The following SH3GL2 variants were observed in gnomAD, a reference collection of about 807,000 sequenced individuals.
SH3GL2 encodes the protein SH3 domain containing GRB2 like 2, endophilin A1.
A neutral mutation model predicts 46.0 loss-of-function variants in SH3GL2; 24 were observed. The observed-to-expected ratio is 0.52, with a 90% CI of 0.38 to 0.73. The LOEUF (loss-of-function observed/expected upper bound fraction) is 0.73. Ranked by LOEUF, SH3GL2 falls within the 30% of genes least tolerant of loss-of-function variation. The pLI, the probability that SH3GL2 is intolerant of heterozygous loss-of-function variation, is 0.00. For synonymous variants in SH3GL2, 196 were observed against 147.1 expected (o/e 1.33, Z -2.40); for missense variants, 413 against 424.2 (o/e 0.97, Z 0.23).
At chr9:17,679,175 A>C (rs1015521174) in intron 1 of SH3GL2, among the ~76,000 whole-genome samples, 14 of 152,144 alleles carry the variant, frequency 9.2e-5, no homozygotes, top group East Asian at 3.9e-4. Flanking sequence ...GAAGAAAGTC[A>C]TTGGTAGCTT....
At chr9:17,608,759 T>C (rs920397952) in intron 1 of SH3GL2, among the ~76,000 whole-genome samples, 4 of 152,230 alleles carry the variant, frequency 2.6e-5, no homozygotes, top group African/African-American at 7.2e-5. Flanking sequence ...AAGGAAGTTA[T>C]GAACCGGATT....
At chr9:17,620,405 C>T (rs935119067) in intron 1 of SH3GL2, among the ~76,000 whole-genome samples, 4 of 152,134 alleles carry the variant, frequency 2.6e-5, no homozygotes, top group African/African-American at 4.8e-5. Context: ...TAACAGCTTA[C>T]GCATGTTACT....
chr9:17,790,174 C>T (rs187333056), intron 6 of SH3GL2, among the ~76,000 whole-genome samples: 1 of 152,122 alleles, frequency 6.6e-6, no homozygotes, highest in Non-Finnish European at 1.5e-5. Context: ...AACAAACTTG[C>T]CTTTCCTCTG....
Position 17,791,302 on chromosome 9 carries a change from C to T in SH3GL2, c.696C>T (p.Ile232=). The change falls in exon 7 of 9, where the codon ATC becomes ATT. Residue 232 remains isoleucine (I), a synonymous_variant. Coordinates refer to ENST00000380607, the MANE Select transcript of SH3GL2 (RefSeq NM_003026.5). ...AGTACCACAAGCAGGCAGTCCAGAT[C>T]CTGCAGCAAGTCACGGTCAGACTGG... The part of the protein sequence containing the change: ...QLEYHKQAVQ[I]LQQVTVRLEE... The T allele has an allele frequency of 6.2e-7, 1 of 1,613,312 alleles. No individual in the cohort carries two copies. Among genetic ancestry groups the T allele is most frequent in the Non-Finnish European group, 8.5e-7 (1 of 1,179,292 alleles).
chr9:17,788,880 A>G (rs1426429592), intron 5 of SH3GL2, among the ~76,000 whole-genome samples: 1 of 150,092 alleles, frequency 6.7e-6, no homozygotes, highest in African/African-American at 2.4e-5. Flanking sequence ...GAGCTCAGGA[A>G]TCCATATTGT....
chr9:17,647,101 T>G (rs1299895585), intron 1 of SH3GL2, among the ~76,000 whole-genome samples: 1 of 152,192 alleles, frequency 6.6e-6, no homozygotes, highest in East Asian at 1.9e-4. Context: ...AGAGGCAGTA[T>G]GGCTACAGTG....
intron 1 of SH3GL2, among the ~76,000 whole-genome samples, chr9:17,708,688 G>A (rs1397380614): frequency 6.6e-6 from 1 of 151,862 alleles, no homozygotes; most frequent in Non-Finnish European, 1.5e-5. Flanking sequence ...CTCTTGTTGT[G>A]CTTCAGGTTT....
intron 1 of SH3GL2, among the ~76,000 whole-genome samples, chr9:17,611,180 T>G (rs1011796414): frequency 1.3e-5 from 2 of 152,340 alleles, no homozygotes; most frequent in Non-Finnish European, 2.9e-5. Flanking sequence ...TTGGTTTTTT[T>G]TATTTCATAA....
At chr9:17,779,488 T>G (rs1823737992) in intron 3 of SH3GL2, among the ~76,000 whole-genome samples, 1 of 152,246 alleles carries the variant, frequency 6.6e-6, no homozygotes, top group African/African-American at 2.4e-5. Flanking sequence ...TTCCATATCC[T>G]TTCTTTATAG....
intron 4 of SH3GL2, among the ~76,000 whole-genome samples, 200 bp downstream of exon 4, chr9:17,786,724 A>C (rs1009572550): frequency 1.3e-5 from 2 of 150,264 alleles, no homozygotes; most frequent in African/African-American, 2.5e-5. Context: ...TTTTCTTCCC[A>C]CCCCCCCCAC....
At chr9:17,743,600 A>ACACACACACACACCCC (rs1554645782) in intron 1 of SH3GL2, among the ~76,000 whole-genome samples, 23 of 146,276 alleles carry the variant, frequency 1.6e-4, no homozygotes, top group African/African-American at 4.5e-4. Flanking sequence ...ACACACACAC[A>ACACACACACACACCCC]CCCCAAATAG....
At chr9:17,759,228 G>T (rs972121580) in intron 2 of SH3GL2, among the ~76,000 whole-genome samples, 1 of 152,154 alleles carries the variant, frequency 6.6e-6, no homozygotes, top group Non-Finnish European at 1.5e-5. Flanking sequence ...GATCAGCATT[G>T]CAGAGCCTCC....
chr9:17,672,070 G>A (rs566343062), intron 1 of SH3GL2, among the ~76,000 whole-genome samples: 3 of 152,220 alleles, frequency 2.0e-5, no homozygotes, highest in African/African-American at 4.8e-5. Flanking sequence ...ATTGGAAACC[G>A]ACCTCTGGAA....
At chr9:17,613,330 A>C (rs962393424) in intron 1 of SH3GL2, among the ~76,000 whole-genome samples, 6 of 152,264 alleles carry the variant, frequency 3.9e-5, no homozygotes, top group Non-Finnish European at 8.8e-5. Flanking sequence ...AAGCAGTGGT[A>C]TGCCATCCAT....
intron 1 of SH3GL2, among the ~76,000 whole-genome samples, chr9:17,677,843 T>C (rs1392208978): frequency 6.6e-6 from 1 of 151,664 alleles, no homozygotes; most frequent in Non-Finnish European, 1.5e-5. Context: ...AGTGTTCTCA[T>C]TGTTCAATTC....
At chr9:17,583,173 A>G (rs1818308697) in intron 1 of SH3GL2, among the ~76,000 whole-genome samples, 1 of 152,214 alleles carries the variant, frequency 6.6e-6, no homozygotes, top group South Asian at 2.1e-4. Flanking sequence ...ATCTAAGAGG[A>G]CAGTTCAGCC....
chr9:17,712,786 A>G (rs1165584807), intron 1 of SH3GL2, among the ~76,000 whole-genome samples: 1 of 151,790 alleles, frequency 6.6e-6, no homozygotes, highest in Non-Finnish European at 1.5e-5. Flanking sequence ...AAATGGATTT[A>G]GAATCAGTTA....
chr9:17,738,661 G>GAGAGAGAGAC (rs1554645347), intron 1 of SH3GL2, among the ~76,000 whole-genome samples: 4,554 of 132,066 alleles, frequency 0.034, 115 homozygotes, highest in Non-Finnish European at 0.039. Flanking sequence ...GAGAGAGAGA[G>GAGAGAGAGAC]AGAGAGAGAG....
rs557313185 is a variant in SH3GL2, at chr9:17,584,512, A to G, written c.45+5225A>G. On this transcript the variant is annotated intron_variant, in intron 1 of 8. Coordinates refer to ENST00000380607, the MANE Select transcript of SH3GL2 (RefSeq NM_003026.5). ...AGTGAGATTCTGTTTCAAATAAATA[A>G]ATAAATAAATTCATCATGTCATCAG... Among the ~76,000 whole-genome samples the G allele has an allele frequency of 3.9e-5, 6 of 152,316 alleles. No homozygotes were observed. The East Asian group carries it at 1.2e-3, about 29-fold the overall frequency.
Sources: allele counts gnomAD v4.1 joint callset (sites outside exome capture counted in the v4.1 genomes callset), GRCh38; gene constraint gnomAD v4.1.1; transcripts MANE v1.5; gene names NCBI Gene and HGNC (gene_info 2026-07-23, HGNC 2026-07-21).